The following GPC5 variants were observed in gnomAD, a reference collection of about 807,000 sequenced individuals.
GPC5 encodes glypican-5.
Under a neutral mutation model 53.9 loss-of-function variants are expected in GPC5, and 47 were observed. The ratio of observed to expected loss-of-function variants is 0.87; its 90% CI spans 0.69 to 1.11. The LOEUF (loss-of-function observed/expected upper bound fraction) is 1.11. Ranked by LOEUF, GPC5 falls within the 50% of genes most tolerant of loss-of-function variation. GPC5 has a pLI of 0.00. For synonymous variants in GPC5, 286 were observed against 263.3 expected (o/e 1.09, Z -0.84); for missense variants, 748 against 713.1 (o/e 1.05, Z -0.56).
intron 2 of GPC5, among the ~76,000 whole-genome samples, chr13:91,652,013 T>C (rs2034723342): frequency 6.6e-6 from 1 of 152,174 alleles, no homozygotes; most frequent in African/African-American, 2.4e-5. Context: ...TAGAATATAT[T>C]AATAGGCAGA....
chr13:92,527,229 GA>G (rs751387761), intron 7 of GPC5, among the ~76,000 whole-genome samples: 1 of 37,972 alleles, frequency 2.6e-5, no homozygotes, highest in South Asian at 1.1e-3. Flanking sequence ...AAGAAAGAAA[GA>G]AAGAAAGAAA....
intron 7 of GPC5, among the ~76,000 whole-genome samples, chr13:92,547,222 G>A (rs1882148490): frequency 6.6e-6 from 1 of 152,120 alleles, no homozygotes; most frequent in Admixed American, 6.6e-5. Context: ...ATGAATTTTA[G>A]TTCTTTTTAA....
At chr13:92,740,313 T>C (rs1889050086) in intron 7 of GPC5, among the ~76,000 whole-genome samples, 1 of 152,094 alleles carries the variant, frequency 6.6e-6, no homozygotes, top group Admixed American at 6.6e-5. Context: ...TTCTGTCCTC[T>C]GATTTTTCTC....
At chr13:92,547,819 CTTTTT>C (rs567478017) in intron 7 of GPC5, among the ~76,000 whole-genome samples, 30,879 of 99,316 alleles carry the variant, frequency 0.31, 2,103 homozygotes, top group Non-Finnish European at 0.34. Context: ...GCCTATTATT[CTTTTT>C]TTTTTTTTTT....
intron 6 of GPC5, among the ~76,000 whole-genome samples, chr13:91,943,179 A>G (rs2039943784): frequency 6.6e-6 from 1 of 152,068 alleles, no homozygotes; most frequent in South Asian, 2.1e-4. Flanking sequence ...ATGCTTTTTC[A>G]TTTCATTAGA....
intron 2 of GPC5, among the ~76,000 whole-genome samples, chr13:91,635,318 G>C (rs2034259940): frequency 6.6e-6 from 1 of 152,080 alleles, no homozygotes; most frequent in Non-Finnish European, 1.5e-5. Flanking sequence ...TTCAATTCAT[G>C]TGTAACATGC....
chr13:91,752,268 A>G (rs1013621686), intron 4 of GPC5, among the ~76,000 whole-genome samples: 5 of 152,190 alleles, frequency 3.3e-5, no homozygotes, highest in Non-Finnish European at 7.3e-5. Context: ...GTATGTATGT[A>G]TAGACAGGGT....
intron 7 of GPC5, among the ~76,000 whole-genome samples, chr13:92,841,967 T>G (rs997384944): frequency 6.6e-6 from 1 of 152,148 alleles, no homozygotes; most frequent in Non-Finnish European, 1.5e-5. Context: ...GTTCAGGGTT[T>G]TTGTTTCTGA....
intron 1 of GPC5, among the ~76,000 whole-genome samples, chr13:91,446,252 T>G (rs1880796181): frequency 6.6e-6 from 1 of 152,194 alleles, no homozygotes; most frequent in Non-Finnish European, 1.5e-5. Context: ...TGTAGATATC[T>G]GTAAATTTCT....
chr13:92,082,184 G>T (rs1344344955), intron 6 of GPC5, among the ~76,000 whole-genome samples: 1 of 149,500 alleles, frequency 6.7e-6, no homozygotes, highest in Non-Finnish European at 1.5e-5. Context: ...AAGTGCCGTT[G>T]CTGAGACATT....
At chr13:91,622,215 C>T (rs1196380189) in intron 2 of GPC5, among the ~76,000 whole-genome samples, 1 of 152,146 alleles carries the variant, frequency 6.6e-6, no homozygotes, top group African/African-American at 2.4e-5. Context: ...CTCACAGACA[C>T]ACCCAGGAAT....
chr13:92,596,452 G>A (rs1407264349), intron 7 of GPC5, among the ~76,000 whole-genome samples: 2 of 151,744 alleles, frequency 1.3e-5, no homozygotes, highest in African/African-American at 2.4e-5. Flanking sequence ...ACATATATGT[G>A]TATATATATT....
intron 7 of GPC5, among the ~76,000 whole-genome samples, chr13:92,819,953 C>T (rs1392813449): frequency 6.6e-6 from 1 of 152,090 alleles, no homozygotes; most frequent in Non-Finnish European, 1.5e-5. Flanking sequence ...CTATTCACTA[C>T]TTTTCCTAAT....
chr13:91,491,063 T>C (rs1358626872), intron 2 of GPC5, among the ~76,000 whole-genome samples: 2 of 152,306 alleles, frequency 1.3e-5, no homozygotes, highest in East Asian at 3.9e-4. Flanking sequence ...CTGTGTTTAA[T>C]TTAACTTCTG....
intron 7 of GPC5, among the ~76,000 whole-genome samples, chr13:92,746,607 C>T (rs1445126729): frequency 1.3e-5 from 2 of 152,084 alleles, no homozygotes; most frequent in African/African-American, 4.8e-5. Flanking sequence ...CCACAAGATA[C>T]ATTTTGAACT....
intron 5 of GPC5, among the ~76,000 whole-genome samples, chr13:91,761,132 A>G (rs1336369822): frequency 2.6e-5 from 4 of 152,054 alleles, no homozygotes; most frequent in African/African-American, 9.7e-5. Flanking sequence ...CTTTCTGGGC[A>G]TTGAAGTTCA....
At chr13:91,863,647 G>A (rs2039054203) in intron 5 of GPC5, among the ~76,000 whole-genome samples, 2 of 152,202 alleles carry the variant, frequency 1.3e-5, no homozygotes, top group South Asian at 4.1e-4. Flanking sequence ...ACTGATTAAA[G>A]TCCATGCATC....
At chr13:91,694,172 A>C (rs2035829759) in intron 3 of GPC5, among the ~76,000 whole-genome samples, 1 of 152,176 alleles carries the variant, frequency 6.6e-6, no homozygotes, top group Non-Finnish European at 1.5e-5. Flanking sequence ...AAATTAGGTA[A>C]GTCCCTTTGG....
At chr13:92,249,720 T>C (rs1326860851) in intron 7 of GPC5, among the ~76,000 whole-genome samples, 1 of 151,890 alleles carries the variant, frequency 6.6e-6, no homozygotes, top group African/African-American at 2.4e-5. Context: ...GAGTAGAGAA[T>C]GCAGAGCGGA....
Sources: gnomAD v4.1 joint callset for allele counts (sites outside exome capture counted in the v4.1 genomes callset) on GRCh38, gnomAD v4.1.1 for gene constraint, MANE v1.5 for transcripts, NCBI Gene and HGNC (gene_info 2026-07-23, HGNC 2026-07-21) for gene names.